The following NEBL variants were observed in gnomAD, a reference collection of about 807,000 sequenced individuals.
NEBL encodes LIM and SH3 protein 2.
A neutral mutation model predicts 140.2 loss-of-function variants in NEBL; 122 were observed. The observed-to-expected ratio is 0.87, with a 90% CI of 0.75 to 1.01. NEBL has a LOEUF of 1.01. Ranked by LOEUF, NEBL falls within the 50% of genes least tolerant of loss-of-function variation. The pLI is 0.00. For synonymous variants in NEBL, 436 were observed against 398.9 expected (o/e 1.09, Z -1.11); for missense variants, 1,365 against 1,231.3 (o/e 1.11, Z -1.62).
chr10:21,115,055 T>A (rs1378035418), intron 2 of NEBL, among the ~76,000 whole-genome samples: 3 of 152,018 alleles, frequency 2.0e-5, no homozygotes, highest in Admixed American at 1.3e-4. Flanking sequence ...TTATTAGCTA[T>A]ATCTCTTTAT....
intron 4 of NEBL, among the ~76,000 whole-genome samples, chr10:20,930,314 T>G (rs1277613463): frequency 1.3e-5 from 2 of 152,168 alleles, no homozygotes; most frequent in Non-Finnish European, 2.9e-5. Flanking sequence ...TTTTATTGGA[T>G]CTATCTCCAA....
At chr10:20,889,410 A>C (rs1332396675) in intron 3 of NEBL, among the ~76,000 whole-genome samples, 1 of 152,204 alleles carries the variant, frequency 6.6e-6, no homozygotes, top group Non-Finnish European at 1.5e-5. Flanking sequence ...AAATACATTT[A>C]AAATTATTTA....
At chr10:21,089,356 G>A (rs1836798996) in intron 2 of NEBL, among the ~76,000 whole-genome samples, 1 of 152,146 alleles carries the variant, frequency 6.6e-6, no homozygotes, top group Middle Eastern at 3.2e-3. Flanking sequence ...AGCATCATCA[G>A]CTTAGAGCTA....
intron 2 of NEBL, among the ~76,000 whole-genome samples, chr10:21,163,002 T>G (rs960807259): frequency 6.6e-6 from 1 of 152,244 alleles, no homozygotes; most frequent in Non-Finnish European, 1.5e-5. Context: ...CATTATTAGA[T>G]TGGATATTCC....
intron 5 of NEBL, among the ~76,000 whole-genome samples, 190 bp downstream of exon 5, chr10:20,880,604 A>G (rs569708953): frequency 4.2e-4 from 64 of 152,246 alleles, no homozygotes; most frequent in Non-Finnish European, 7.3e-4. Context: ...GCCTGACAAC[A>G]TAAAGGCATT....
intron 3 of NEBL, among the ~76,000 whole-genome samples, chr10:20,965,685 G>C (rs989163490): frequency 6.6e-6 from 1 of 152,150 alleles, no homozygotes; most frequent in Non-Finnish European, 1.5e-5. Context: ...TGTTTTAAAA[G>C]GCTTTCTCTG....
At chr10:21,270,924 G>T (rs1181230970) in intron 1 of NEBL, among the ~76,000 whole-genome samples, 1 of 152,174 alleles carries the variant, frequency 6.6e-6, no homozygotes, top group Non-Finnish European at 1.5e-5. Context: ...CTGTTGGTGA[G>T]ACTGTAAATT....
At chr10:21,069,450 C>A (rs1835715978) in intron 2 of NEBL, among the ~76,000 whole-genome samples, 1 of 152,132 alleles carries the variant, frequency 6.6e-6, no homozygotes, top group Non-Finnish European at 1.5e-5. Flanking sequence ...AACAGGATTC[C>A]AGAAATAGTT....
intron 3 of NEBL, among the ~76,000 whole-genome samples, chr10:21,190,316 CA>C (rs35446351): frequency 9.4e-4 from 135 of 143,676 alleles, no homozygotes; most frequent in Middle Eastern, 7.2e-3. Context: ...CCTGTGCCTA[CA>C]AAAAAAAAAA....
intron 26 of NEBL, among the ~76,000 whole-genome samples, chr10:20,791,688 C>G (rs759379884): frequency 6.6e-6 from 1 of 152,064 alleles, no homozygotes; most frequent in Non-Finnish European, 1.5e-5. Flanking sequence ...AGCACTGCAC[C>G]ATGCTAAGAA....
chr10:20,845,812 T>G (rs1388152815), intron 11 of NEBL, among the ~76,000 whole-genome samples: 2 of 152,180 alleles, frequency 1.3e-5, no homozygotes, highest in Non-Finnish European at 2.9e-5. Flanking sequence ...TCCTTCTTCA[T>G]CAGACTTTTG....
At chr10:21,084,173 G>A (rs1000749228) in intron 2 of NEBL, among the ~76,000 whole-genome samples, 1 of 152,220 alleles carries the variant, frequency 6.6e-6, no homozygotes, top group African/African-American at 2.4e-5. Flanking sequence ...GATGGGAGTG[G>A]CTTTGAGACT....
intron 2 of NEBL, among the ~76,000 whole-genome samples, chr10:21,091,106 C>T (rs1246529638): frequency 6.6e-6 from 1 of 152,170 alleles, no homozygotes; most frequent in African/African-American, 2.4e-5. Context: ...TCCTTCCCTA[C>T]CACTGTGAAC....
chr10:21,231,278 A>G (rs535964819), intron 3 of NEBL, among the ~76,000 whole-genome samples: 1 of 152,238 alleles, frequency 6.6e-6, no homozygotes, highest in South Asian at 2.1e-4. Context: ...AGTGGCTCAC[A>G]TCTGTAATCC....
chr10:21,114,649 T>C (rs1407423208), intron 2 of NEBL, among the ~76,000 whole-genome samples: 1 of 152,064 alleles, frequency 6.6e-6, no homozygotes, highest in Non-Finnish European at 1.5e-5. Flanking sequence ...GAAATTACCC[T>C]CTTTATTCCT....
rs1198262071 is a variant in NEBL at position 21,202,815 on chromosome 10, G to A, written n.349-30338C>T. Among the ~76,000 whole-genome samples the A allele has an allele frequency of 7.9e-5, 12 of 152,066 alleles. 1 individual carries two copies. Among genetic ancestry groups the A allele is most frequent in the Admixed American group, 7.9e-4 (12 of 15,254 alleles). On this transcript the variant is annotated intron_variant and non_coding_transcript_variant, in intron 3 of 8. Transcript: ENST00000675702. ...TTTTCTTACCAGCTCCAAAAATGGA[G>A]ACTAATTTTGCTTTGAACTTTGTAA...
chr10:21,277,945 C>T (rs1346008979), intron 1 of NEBL, among the ~76,000 whole-genome samples: 1 of 152,190 alleles, frequency 6.6e-6, no homozygotes, highest in Non-Finnish European at 1.5e-5. Flanking sequence ...ATAGCACCTA[C>T]TTCATTGAGC....
chr10:21,241,989 C>A (rs530646860), intron 3 of NEBL, among the ~76,000 whole-genome samples: 1 of 148,764 alleles, frequency 6.7e-6, no homozygotes, highest in East Asian at 2.0e-4. Context: ...ATCTCTTGAG[C>A]CCAGGAGTTC....
chr10:20,815,770 G>T (rs375019716), intron 21 of NEBL, 53 bp from the exon 22 acceptor site: 1 of 1,221,570 alleles, frequency 8.2e-7, no homozygotes, highest in South Asian at 1.2e-5. Flanking sequence ...TCAACAAAGA[G>T]ACTTATTTAT....
Sources: allele counts gnomAD v4.1 joint callset (sites outside exome capture counted in the v4.1 genomes callset), GRCh38; gene constraint gnomAD v4.1.1; transcripts MANE v1.5; gene names NCBI Gene and HGNC (gene_info 2026-07-23, HGNC 2026-07-21).